Variants in ERC2 observed in about 807,000 individuals in gnomAD.
ERC2 encodes the protein ELKS/RAB6-interacting/CAST family member 2.
Under a neutral mutation model 114.8 loss-of-function variants are expected in ERC2, and 42 were observed. That is an observed-to-expected ratio of 0.37 (90% confidence interval 0.29 to 0.47). The LOEUF (loss-of-function observed/expected upper bound fraction) is 0.47, where lower values mean the gene tolerates loss of function less well. Among genes scored for constraint, ERC2 ranks in the 20% least tolerant of loss-of-function variants. The probability of loss-of-function intolerance (pLI) is 0.99; values close to 1 mark genes in which losing one functional copy is unlikely to be tolerated. For synonymous variants in ERC2, 454 were observed against 425.5 expected (o/e 1.07, Z -0.82); for missense variants, 939 against 1,150.7 (o/e 0.82, Z 2.66).
At chr3:55,846,388 A>G (rs115892876) in intron 14 of ERC2, among the ~76,000 whole-genome samples, 4,338 of 152,270 alleles carry the variant, frequency 0.028, 89 homozygotes, top group South Asian at 0.09. Context: ...CTCTTTATCC[A>G]GTCTACCACT....
chr3:55,546,226 G>A (rs916704629), intron 17 of ERC2, among the ~76,000 whole-genome samples: 2 of 152,140 alleles, frequency 1.3e-5, no homozygotes, highest in Admixed American at 6.5e-5. Context: ...CATTCTGTCC[G>A]GCCTCCCTGC....
chr3:55,962,420 T>C (rs375576315), intron 12 of ERC2, among the ~76,000 whole-genome samples: 6 of 152,346 alleles, frequency 3.9e-5, no homozygotes, highest in African/African-American at 1.4e-4. Context: ...TATACACTAA[T>C]ATATACACTA....
At chr3:55,587,865 C>G (rs2057677874) in intron 17 of ERC2, among the ~76,000 whole-genome samples, 1 of 152,284 alleles carries the variant, frequency 6.6e-6, no homozygotes, top group East Asian at 1.9e-4. Context: ...ATTTCACAGC[C>G]AGGGGTAAGA....
intron 17 of ERC2, among the ~76,000 whole-genome samples, chr3:55,636,450 A>T (rs934741618): frequency 1.3e-5 from 2 of 152,204 alleles, no homozygotes; most frequent in African/African-American, 4.8e-5. Flanking sequence ...CACAGCTGTT[A>T]TAAGATTGAG....
chr3:56,042,606 G>A (rs1285458120), intron 7 of ERC2, among the ~76,000 whole-genome samples: 3 of 152,108 alleles, frequency 2.0e-5, no homozygotes, highest in Non-Finnish European at 4.4e-5. Context: ...ATGGACGGGT[G>A]AAAGCAGAAA....
At chr3:56,174,928 A>AT (rs2082888552) in intron 3 of ERC2, among the ~76,000 whole-genome samples, 1 of 151,614 alleles carries the variant, frequency 6.6e-6, no homozygotes, top group African/African-American at 2.4e-5. Flanking sequence ...CAGTGAGCCG[A>AT]GATCACGCCA....
intron 3 of ERC2, among the ~76,000 whole-genome samples, chr3:56,277,938 A>T (rs2054110083): frequency 6.6e-6 from 1 of 152,158 alleles, no homozygotes; most frequent in Non-Finnish European, 1.5e-5. Context: ...TTGGGAGCAC[A>T]GGACTGTTGG....
intron 1 of ERC2, among the ~76,000 whole-genome samples, chr3:56,440,509 C>G (rs2062245008): frequency 1.4e-5 from 2 of 146,436 alleles, no homozygotes; most frequent in African/African-American, 2.6e-5. Context: ...GATCACGCCA[C>G]TGAACTCCAG....
chr3:55,726,838 C>T (rs1320190300), intron 15 of ERC2, among the ~76,000 whole-genome samples: 4 of 152,140 alleles, frequency 2.6e-5, no homozygotes, highest in African/African-American at 9.7e-5. Flanking sequence ...CTATGTGTTT[C>T]CTGGTGGCCA....
At chr3:56,093,351 T>G (rs1342191986) in intron 6 of ERC2, among the ~76,000 whole-genome samples, 1 of 152,230 alleles carries the variant, frequency 6.6e-6, no homozygotes, top group Non-Finnish European at 1.5e-5. Context: ...TGTTTGCACT[T>G]AAGATTGCTT....
intron 13 of ERC2, among the ~76,000 whole-genome samples, chr3:55,889,065 T>C (rs2063490773): frequency 2.6e-5 from 4 of 152,230 alleles, no homozygotes; most frequent in African/African-American, 9.6e-5. Flanking sequence ...GGTGAGTGGC[T>C]TGACCCAATT....
At chr3:55,977,843 G>A (rs1335560334) in intron 12 of ERC2, among the ~76,000 whole-genome samples, 6 of 152,180 alleles carry the variant, frequency 3.9e-5, no homozygotes, top group Non-Finnish European at 7.3e-5. Context: ...AAAGGAGACA[G>A]ACTCAATTAA....
intron 17 of ERC2, among the ~76,000 whole-genome samples, chr3:55,544,364 T>C (rs948440331): frequency 6.6e-6 from 1 of 152,250 alleles, no homozygotes. Context: ...CAGCATTTTA[T>C]TAGTGACTGA....
intron 15 of ERC2, among the ~76,000 whole-genome samples, chr3:55,705,559 C>A (rs911875606): frequency 6.6e-6 from 1 of 152,160 alleles, no homozygotes; most frequent in Non-Finnish European, 1.5e-5. Flanking sequence ...TCACCCATGT[C>A]ACACTGTAAC....
chr3:56,186,648 C>T (rs1050044288), intron 3 of ERC2, among the ~76,000 whole-genome samples: 12 of 152,178 alleles, frequency 7.9e-5, no homozygotes, highest in Non-Finnish European at 1.8e-4. Flanking sequence ...AGGTGATTCT[C>T]CTGCCTCAGC....
At chr3:55,688,452 C>T (rs540719464) in intron 16 of ERC2, among the ~76,000 whole-genome samples, 15 of 152,254 alleles carry the variant, frequency 9.9e-5, no homozygotes, top group South Asian at 8.3e-4. Flanking sequence ...CACAAAAGTA[C>T]ACCCTTCTGA....
chr3:55,926,562 T>A (rs1252349879), intron 13 of ERC2, among the ~76,000 whole-genome samples: 1 of 152,216 alleles, frequency 6.6e-6, no homozygotes, highest in African/African-American at 2.4e-5. Context: ...CTATGTTCCA[T>A]GGACTACAGA....
intron 3 of ERC2, among the ~76,000 whole-genome samples, chr3:56,248,249 T>C (rs2051858340): frequency 6.6e-6 from 1 of 152,082 alleles, no homozygotes; most frequent in Non-Finnish European, 1.5e-5. Context: ...TGCACCACCA[T>C]GCCCAGGTAA....
intron 14 of ERC2, among the ~76,000 whole-genome samples, chr3:55,743,903 T>C (rs1283207374): frequency 6.6e-6 from 1 of 152,148 alleles, no homozygotes; most frequent in East Asian, 1.9e-4. Flanking sequence ...TAGGAGAATA[T>C]GGTGGAGGCA....
Sources: gnomAD v4.1 joint callset for allele counts (sites outside exome capture counted in the v4.1 genomes callset) on GRCh38, gnomAD v4.1.1 for gene constraint, MANE v1.5 for transcripts, NCBI Gene and HGNC (gene_info 2026-07-23, HGNC 2026-07-21) for gene names.